The following NTN4 variants were observed in gnomAD, a reference collection of about 807,000 sequenced individuals.
The protein encoded by NTN4 is netrin 4, also known as netrin-4.
NTN4 carries 32 observed loss-of-function variants against 73.6 expected under a neutral mutation model. That is an observed-to-expected ratio of 0.44 (90% CI 0.33 to 0.58). The LOEUF (loss-of-function observed/expected upper bound fraction) is 0.58. Ranked by LOEUF, NTN4 falls within the 20% of genes least tolerant of loss-of-function variation. The pLI, the probability that NTN4 is intolerant of heterozygous loss-of-function variation, is 0.04. For synonymous variants in NTN4, 258 were observed against 287.5 expected (o/e 0.90, Z 1.04); for missense variants, 654 against 798.3 (o/e 0.82, Z 2.18).
At chr12:95,707,745 T>C (rs74238602) in intron 5 of NTN4, among the ~76,000 whole-genome samples, 9,170 of 152,236 alleles carry the variant, frequency 0.06, 480 homozygotes, top group East Asian at 0.3. Flanking sequence ...TCAATAAAAG[T>C]AACTGGATGA....
Position 95,670,255 on chromosome 12 carries a change from T to C in NTN4, c.1511-109A>G, listed in dbSNP as rs1054151632. 5.2e-6 allele frequency: 3 copies of C among 573,246 alleles called. No individual in the cohort carries two copies. In the Admixed American group the frequency reaches 9.9e-5, roughly 19 times the overall value. The allele number at this position is 573,246 out of a possible 1,614,324, so 35.5% of individuals were successfully genotyped here. ...AACACATCCCTTAAGCCTTGAGTGA[T>C]GCATACAGTGTAATCTGTAAGTACC... On this transcript the variant is annotated intron_variant, in intron 7 of 9. Coordinates refer to ENST00000343702, the MANE Select transcript of NTN4 (RefSeq NM_021229.4).
intron 7 of NTN4, among the ~76,000 whole-genome samples, chr12:95,681,188 CAAA>C (rs11366396): frequency 0.014 from 1,353 of 95,508 alleles, 7 homozygotes; most frequent in Non-Finnish European, 0.017. Flanking sequence ...GACTTTGTCT[CAAA>C]AAAAAAAAAA....
chr12:95,753,450 C>A (rs1177628891), intron 2 of NTN4, among the ~76,000 whole-genome samples: 8 of 145,078 alleles, frequency 5.5e-5, no homozygotes, highest in Admixed American at 2.1e-4. Flanking sequence ...GACACTTTCA[C>A]TGAATAAGTA....
At chr12:95,708,618 A>G (rs2078539236) in intron 5 of NTN4, among the ~76,000 whole-genome samples, 1 of 152,054 alleles carries the variant, frequency 6.6e-6, no homozygotes, top group Admixed American at 6.6e-5. Flanking sequence ...TCTGTTGCCC[A>G]GGCTGGTCTC....
At chr12:95,751,593 T>TG (rs2078907857) in intron 2 of NTN4, among the ~76,000 whole-genome samples, 3 of 152,006 alleles carry the variant, frequency 2.0e-5, no homozygotes, top group Admixed American at 6.5e-5. Flanking sequence ...CCTGGAACTC[T>TG]GGCCCAAGGC....
At position 95,787,416 on chromosome 12, in the gene NTN4, A is replaced by T. The variant is rs773006406; in HGVS notation, c.108T>A (p.Pro36=). ...VSSRCEKACN[P]RMGNLALGRK... is the part of the protein sequence containing the mutation. Reference sequence around the variant, plus strand: ...GCCCCAAAGCCAAATTTCCCATCCGAGGGTTGCAGGCTTTTTCACAGCGGG... The same window carrying T: ...GCCCCAAAGCCAAATTTCCCATCCGTGGGTTGCAGGCTTTTTCACAGCGGG... Residue 36 remains proline, a synonymous_variant, in exon 2 of 10, where the codon CCT becomes CCA. Transcript: ENST00000343702. 7.4e-6 allele frequency: 12 copies of T among 1,613,974 alleles called. No homozygotes were observed. The South Asian group carries it at 1.3e-4, about 18-fold the overall frequency.
At chr12:95,759,699 T>C (rs1415674018) in intron 2 of NTN4, among the ~76,000 whole-genome samples, 2 of 152,096 alleles carry the variant, frequency 1.3e-5, no homozygotes, top group Non-Finnish European at 2.9e-5. Context: ...TGACCTCAAG[T>C]GATCCACCTG....
At chr12:95,704,374 G>A (rs891023478) in intron 5 of NTN4, among the ~76,000 whole-genome samples, 6 of 152,106 alleles carry the variant, frequency 3.9e-5, no homozygotes, top group African/African-American at 1.4e-4. Flanking sequence ...AAGTAAAGTG[G>A]GAAATAATGG....
intron 5 of NTN4, among the ~76,000 whole-genome samples, chr12:95,688,166 G>C (rs1286071331): frequency 6.6e-6 from 1 of 152,146 alleles, no homozygotes; most frequent in East Asian, 1.9e-4. Context: ...AGACTAGAGT[G>C]GGGAGAGGCT....
chr12:95,788,821 A>T (rs2079187336), intron 1 of NTN4, among the ~76,000 whole-genome samples: 1 of 152,234 alleles, frequency 6.6e-6, no homozygotes, highest in African/African-American at 2.4e-5. Flanking sequence ...GGCCAGAAGC[A>T]CACAAACACA....
rs1311987191 is a variant in NTN4, at chr12:95,722,868, G to A, written c.865-9530C>T. Among the ~76,000 whole-genome samples, 3 of 150,212 alleles carry A rather than the reference G, an allele frequency of 2.0e-5. No homozygotes were observed. The East Asian group carries it at 5.9e-4, about 30-fold the overall frequency. Reference sequence around the variant, plus strand: ...TGTGTGCTGTAATTCCACTTACTTGGGAGGCTGAGGCAGGAGAATCACTTG... The same window carrying A: ...TGTGTGCTGTAATTCCACTTACTTGAGAGGCTGAGGCAGGAGAATCACTTG... On this transcript the variant is annotated intron_variant, in intron 3 of 9. Coordinates refer to ENST00000343702, the MANE Select transcript of NTN4 (RefSeq NM_021229.4).
chr12:95,696,872 T>C (rs1218926674), intron 5 of NTN4, among the ~76,000 whole-genome samples: 1 of 152,214 alleles, frequency 6.6e-6, no homozygotes, highest in Admixed American at 6.5e-5. Context: ...TATTTATTTT[T>C]TGTAAGAAAA....
At chr12:95,669,255 G>C (rs2120936425) in intron 8 of NTN4, among the ~76,000 whole-genome samples, 1 of 151,162 alleles carries the variant, frequency 6.6e-6, no homozygotes, top group African/African-American at 2.4e-5. Flanking sequence ...GTGTTGGCAA[G>C]ATATGATATC....
intron 2 of NTN4, among the ~76,000 whole-genome samples, chr12:95,778,023 A>C (rs986924443): frequency 2.6e-5 from 4 of 152,320 alleles, no homozygotes; most frequent in African/African-American, 7.2e-5. Context: ...AAAACCACTC[A>C]ACTACATGGA....
intron 5 of NTN4, among the ~76,000 whole-genome samples, chr12:95,684,248 G>C (rs1396646058): frequency 1.3e-5 from 2 of 152,114 alleles, no homozygotes; most frequent in Non-Finnish European, 2.9e-5. Flanking sequence ...GGATTCAGGG[G>C]AGTATGGGAG....
chr12:95,788,229 C>G (rs2079183715), intron 1 of NTN4, among the ~76,000 whole-genome samples: 1 of 152,154 alleles, frequency 6.6e-6, no homozygotes, highest in African/African-American at 2.4e-5. Flanking sequence ...AGGGTTTCTA[C>G]CTGTGACAGG....
At chr12:95,689,112 CACT>C (rs1392407139) in intron 5 of NTN4, among the ~76,000 whole-genome samples, 2 of 152,140 alleles carry the variant, frequency 1.3e-5, no homozygotes, top group African/African-American at 4.8e-5. Flanking sequence ...CATTGAGAAC[CACT>C]ACAATAGAGC....
At chr12:95,775,297 C>G (rs2079083251) in intron 2 of NTN4, among the ~76,000 whole-genome samples, 1 of 152,180 alleles carries the variant, frequency 6.6e-6, no homozygotes, top group Non-Finnish European at 1.5e-5. Flanking sequence ...AACTGAGGTA[C>G]CGGGTTCATC....
chr12:95,765,209 C>A (rs887913280), intron 2 of NTN4, among the ~76,000 whole-genome samples: 2 of 152,140 alleles, frequency 1.3e-5, no homozygotes, highest in African/African-American at 4.8e-5. Flanking sequence ...TAACACAGTT[C>A]AAAAAGAATT....
Sources: allele counts gnomAD v4.1 joint callset (sites outside exome capture counted in the v4.1 genomes callset), GRCh38; gene constraint gnomAD v4.1.1; transcripts MANE v1.5; gene names NCBI Gene and HGNC (gene_info 2026-07-23, HGNC 2026-07-21).